Variants in CELF2 observed in about 807,000 individuals in gnomAD.
CELF2 encodes CUG triplet repeat RNA-binding protein 2.
A neutral mutation model predicts 62.6 loss-of-function variants in CELF2; 8 were observed. The observed-to-expected ratio is 0.13, with a 90% CI of 0.07 to 0.23. The LOEUF (loss-of-function observed/expected upper bound fraction) is 0.23, where lower values mean the gene tolerates loss of function less well. Among genes scored for constraint, CELF2 ranks in the 10% least tolerant of loss-of-function variants. The pLI, the probability that CELF2 is intolerant of heterozygous loss-of-function variation, is 1.00. For missense variants in CELF2, 333 were observed against 671.0 expected (o/e 0.50, Z 5.56); for synonymous variants, 258 against 250.0 (o/e 1.03, Z -0.30).
At chr10:10,690,526 C>T in the CELF2 span, among the ~76,000 whole-genome samples, 1 of 152,146 alleles carries the variant, frequency 6.6e-6, no homozygotes, top group African/African-American at 2.4e-5. Context: ...TCAAGCATCC[C>T]ATCAGTACAC....
chr10:10,935,804 CAT>C (rs765349617), intron 2 of CELF2, among the ~76,000 whole-genome samples: 85 of 152,208 alleles, frequency 5.6e-4, no homozygotes, highest in Admixed American at 8.5e-4. Flanking sequence ...TCCACTCTCT[CAT>C]AGATTTTTCT....
chr10:11,119,470 A>G (rs1424855499), intron 1 of CELF2, among the ~76,000 whole-genome samples: 1 of 152,216 alleles, frequency 6.6e-6, no homozygotes, highest in Admixed American at 6.5e-5. Context: ...GTCTTATAGC[A>G]ATCAGATTTA....
the CELF2 span, among the ~76,000 whole-genome samples, chr10:10,704,365 C>A: frequency 6.6e-6 from 1 of 152,024 alleles, no homozygotes; most frequent in Non-Finnish European, 1.5e-5. Context: ...CACAATGGGG[C>A]TCTCTGTCAT....
intron 1 of CELF2, among the ~76,000 whole-genome samples, chr10:11,158,450 T>G (rs2065005152): frequency 6.6e-6 from 1 of 152,122 alleles, no homozygotes; most frequent in South Asian, 2.1e-4. Flanking sequence ...TACCTCTCCC[T>G]GTGCAAACGC....
the CELF2 span, among the ~76,000 whole-genome samples, chr10:10,603,136 CGAAAA>C: frequency 6.7e-6 from 1 of 150,192 alleles, no homozygotes; most frequent in Non-Finnish European, 1.5e-5. Context: ...TTATTTCTAA[CGAAAA>C]GAAGAGTCAG....
intron 2 of CELF2, among the ~76,000 whole-genome samples, chr10:11,204,271 G>T (rs748027917): frequency 6.6e-6 from 1 of 152,180 alleles, no homozygotes. Context: ...TTACTAAATG[G>T]ATCAAACAGA....
chr10:10,699,559 G>T, the CELF2 span, among the ~76,000 whole-genome samples: 3 of 152,174 alleles, frequency 2.0e-5, no homozygotes, highest in African/African-American at 7.2e-5. Flanking sequence ...CTGTCATCAT[G>T]GTGATTTGCA....
chr10:10,655,827 C>G, the CELF2 span, among the ~76,000 whole-genome samples: 1 of 137,946 alleles, frequency 7.2e-6, no homozygotes, highest in Admixed American at 7.3e-5. Context: ...GACTTCATGT[C>G]CAAAACACCA....
At position 11,165,897 on chromosome 10, in the gene CELF2, G is replaced by A. The variant is rs1158369057; in HGVS notation, c.271+215G>A. Among the ~76,000 whole-genome samples the A allele has an allele frequency of 2.6e-5, 4 of 152,224 alleles. No homozygotes were observed. Among genetic ancestry groups the A allele is most frequent in the Non-Finnish European group, 4.4e-5 (3 of 68,030 alleles). On this transcript the variant is annotated intron_variant, in intron 2 of 12. Coordinates refer to ENST00000633077, the MANE Select transcript of CELF2 (RefSeq NM_001326342.2). This position sits in a 1 kb window ranked among gnomAD's most constrained non-coding sequence, Gnocchi z 7.4. ...GGGACAGGTTGGAGGCGGGAGAGAG[G>A]GACCGAGGCAGGGCGGGAGCGCAGA...
the CELF2 span, among the ~76,000 whole-genome samples, chr10:10,608,554 G>A: frequency 1.4e-3 from 209 of 152,232 alleles, 1 homozygote; most frequent in African/African-American, 4.7e-3. Context: ...TTTAATGGCT[G>A]TTCTTTAAGG....
chr10:11,318,567 AGCCAGGAGAGAAG>A lies in CELF2; in HGVS notation c.1097-2620_1097-2608del. ...GACACAGCCAGCCTCTGTGAAGTGGAGCCAGGAGAGAAGGATGTGGCTGGAATGTCACTGGCTG... is the reference window on the plus strand; with the variant it reads ...GACACAGCCAGCCTCTGTGAAGTGGAGATGTGGCTGGAATGTCACTGGCTG... On this transcript the variant is annotated intron_variant, in intron 10 of 12. Transcript: ENST00000633077. This position sits in a 1 kb window ranked among gnomAD's most constrained non-coding sequence, Gnocchi z 5.4. The A allele has an allele frequency of 1.1e-5, 4 of 369,214 alleles. No individual in the cohort carries two copies. Among genetic ancestry groups the A allele is most frequent in the East Asian group, 7.3e-5 (1 of 13,622 alleles). The allele number at this position is 369,214 out of a possible 1,614,324, so 22.9% of individuals were successfully genotyped here.
At chr10:10,678,306 T>C in the CELF2 span, among the ~76,000 whole-genome samples, 188 of 152,206 alleles carry the variant, frequency 1.2e-3, no homozygotes, top group African/African-American at 4.4e-3. Context: ...TGCCTTACTG[T>C]GACCGTATTA....
chr10:10,919,571 C>T (rs771691972), intron 1 of CELF2, among the ~76,000 whole-genome samples: 6 of 152,188 alleles, frequency 3.9e-5, no homozygotes, highest in Non-Finnish European at 5.9e-5. Flanking sequence ...CAAAGGAATA[C>T]ATTTCTCAGA....
rs1589244582 is a variant in CELF2 at position 11,217,642 on chromosome 10, T to C, written c.354+135T>C. On this transcript the variant is annotated intron_variant, in intron 3 of 12. Transcript: ENST00000633077. The surrounding 1 kb of genome is among the most constrained non-coding windows in gnomAD (Gnocchi z 5.6). ...GAGGAGTGTGTGCTGACCCCCCAGT[T>C]CCCTGCAGCAGCCACACCAGCTGGC... The C allele has an allele frequency of 2.4e-5, 14 of 572,574 alleles. No homozygotes were observed. The highest frequency in any genetic ancestry group is 3.1e-5 in the East Asian group (1 of 32,150). 35.5% of individuals were successfully genotyped at this position (572,574 alleles called of 1,614,324 possible).
the CELF2 span, among the ~76,000 whole-genome samples, chr10:10,535,972 A>G: frequency 1.3e-5 from 2 of 152,024 alleles, no homozygotes; most frequent in Non-Finnish European, 2.9e-5. Flanking sequence ...GTGGTAGCAT[A>G]AGCATTTTGC....
At chr10:10,876,473 A>C (rs1006500308) in intron 1 of CELF2, among the ~76,000 whole-genome samples, 4 of 152,090 alleles carry the variant, frequency 2.6e-5, no homozygotes, top group Non-Finnish European at 5.9e-5. Context: ...AATATACACC[A>C]TCCTTGCCTC....
At chr10:10,696,999 C>T in the CELF2 span, among the ~76,000 whole-genome samples, 2 of 151,830 alleles carry the variant, frequency 1.3e-5, no homozygotes, top group African/African-American at 2.4e-5. Flanking sequence ...GGCCATCTTG[C>T]GATTATGGTG....
At chr10:10,980,591 T>C (rs891355207) in intron 2 of CELF2, among the ~76,000 whole-genome samples, 1 of 152,216 alleles carries the variant, frequency 6.6e-6, no homozygotes, top group Non-Finnish European at 1.5e-5. Context: ...TAATGGATTC[T>C]GTCTCAGGAG....
chr10:11,119,720 C>T (rs74391902), intron 1 of CELF2, among the ~76,000 whole-genome samples: 8,463 of 152,000 alleles, frequency 0.056, 278 homozygotes, highest in Non-Finnish European at 0.061. Context: ...AAATACAAGT[C>T]GTAAATGTAC....
Sources: gnomAD v4.1 joint callset for allele counts (sites outside exome capture counted in the v4.1 genomes callset) on GRCh38, gnomAD v4.1.1 for gene constraint, Gnocchi (gnomAD v3.1) non-coding constraint, MANE v1.5 for transcripts, NCBI Gene and HGNC (gene_info 2026-07-23, HGNC 2026-07-21) for gene names.